UGT3A1: variants seen among roughly 807,000 people sequenced by gnomAD.
UGT3A1 encodes the protein UDP glycosyltransferase family 3 member A1.
A neutral mutation model predicts 37.6 loss-of-function variants in UGT3A1; 40 were observed. The observed-to-expected ratio is 1.06, with a 90% CI of 0.83 to 1.38. The LOEUF is 1.38. Among genes scored for constraint, UGT3A1 ranks in the 40% most tolerant of loss-of-function variants. The pLI is 0.00. For synonymous variants in UGT3A1, 256 were observed against 232.3 expected (o/e 1.10, Z -0.93); for missense variants, 642 against 634.2 (o/e 1.01, Z -0.13).
rs1443651783 is a variant in UGT3A1 at position 35,951,303 on chromosome 5, T to G, written c.*2899A>C. On this transcript the variant is annotated 3_prime_UTR_variant, in exon 7 of 7. Transcript: ENST00000274278. ...TCAAACACCACCCTCATAGATAATC[T>G]ATCACACTCTGGTTTATTCCCTCTG... The G allele has an allele frequency of 6.6e-6, 1 of 152,170 alleles. No individual in the cohort carries two copies. The highest frequency in any genetic ancestry group is 1.5e-5 in the Non-Finnish European group (1 of 68,026). 9.4% of individuals were successfully genotyped at this position (152,170 alleles called of 1,614,324 possible).
At chr5:35,970,348 C>T (rs556523705) in intron 2 of UGT3A1, among the ~76,000 whole-genome samples, 34 of 151,142 alleles carry the variant, frequency 2.2e-4, no homozygotes, top group Admixed American at 6.0e-4. Context: ...GCTGAGATAG[C>T]GCCACTGCAC....
At chr5:35,962,907 A>G (rs1303188195) in intron 4 of UGT3A1, 1 of 702,980 alleles carries the variant, frequency 1.4e-6, no homozygotes, top group Non-Finnish European at 2.6e-6. Context: ...GATACACTCC[A>G]GAGGAGAATA....
At chr5:35,992,996 T>C (rs1362423327), upstream of UGT3A1, among the ~76,000 whole-genome samples, 2 of 152,162 alleles carry the variant, frequency 1.3e-5, no homozygotes, top group Admixed American at 1.3e-4. Context: ...TAGTGAGCTC[T>C]TAAAATTTCA....
At chr5:35,960,716 T>C (rs1051331334) in intron 4 of UGT3A1, 6 of 152,262 alleles carry the variant, frequency 3.9e-5, no homozygotes, top group Non-Finnish European at 8.8e-5. Flanking sequence ...CAGGTTCTTG[T>C]CTGGCATCCA....
intron 2 of UGT3A1, among the ~76,000 whole-genome samples, chr5:35,970,042 G>A (rs561275529): frequency 1.1e-4 from 17 of 152,212 alleles, no homozygotes; most frequent in African/African-American, 3.1e-4. Context: ...TCTTACATAG[G>A]TGGCAGCAGG....
intron 4 of UGT3A1, among the ~76,000 whole-genome samples, chr5:35,958,691 C>T (rs1389593208): frequency 6.6e-6 from 1 of 152,222 alleles, no homozygotes; most frequent in African/African-American, 2.4e-5. Context: ...AAGAAAAAGC[C>T]ACTTTCAAAC....
chr5:35,974,905 C>A (rs150751397), intron 2 of UGT3A1, among the ~76,000 whole-genome samples: 4 of 152,284 alleles, frequency 2.6e-5, no homozygotes, highest in African/African-American at 7.2e-5. Flanking sequence ...TTGTCCGTTG[C>A]GTTGCCTATG....
At chr5:35,974,621 C>T (rs1052074000) in intron 2 of UGT3A1, among the ~76,000 whole-genome samples, 2 of 152,178 alleles carry the variant, frequency 1.3e-5, no homozygotes, top group African/African-American at 4.8e-5. Context: ...CATAACCACA[C>T]AGGAAACTCT....
chr5:35,998,816 T>C (rs975728352), intron 1 of UGT3A1, among the ~76,000 whole-genome samples: 1 of 152,168 alleles, frequency 6.6e-6, no homozygotes, highest in African/African-American at 2.4e-5. Context: ...CCTAACTGAC[T>C]TGAGCTTGTC....
intron 2 of UGT3A1, among the ~76,000 whole-genome samples, chr5:35,983,581 A>G (rs2149986227): frequency 6.6e-6 from 1 of 152,248 alleles, no homozygotes; most frequent in African/African-American, 2.4e-5. Flanking sequence ...AAATCAGACA[A>G]GGGCATAATA....
intron 4 of UGT3A1, chr5:35,962,674 C>A (rs367879170): frequency 3.6e-6 from 2 of 561,506 alleles, no homozygotes; most frequent in Non-Finnish European, 6.4e-6. Flanking sequence ...TTCGTCCTCA[C>A]GCCTACAGAA....
Position 35,991,288 on chromosome 5 carries a change from G to A in UGT3A1, c.-48C>T. On this transcript the variant is annotated 5_prime_UTR_variant, in exon 1 of 7. Coordinates refer to ENST00000274278, the MANE Select transcript of UGT3A1 (RefSeq NM_152404.4). ...GATCTCAGCCTGGGCTGCGCGCCCT[G>A]CGCCGGGCTAAGGACTCTGTGCGCG... The A allele has an allele frequency of 1.2e-6, 2 of 1,612,152 alleles. No individual in the cohort carries two copies. Among genetic ancestry groups the A allele is most frequent in the Non-Finnish European group, 1.7e-6 (2 of 1,178,898 alleles).
In UGT3A1 at chr5:35,955,882, G is replaced by A. The variant is rs1739336536; in HGVS notation, c.1076-18C>T. 1.2e-6 allele frequency: 2 copies of A among 1,612,968 alleles called. No homozygotes were observed. Among genetic ancestry groups the A allele is most frequent in the Non-Finnish European group, 1.7e-6 (2 of 1,178,992 alleles). On this transcript the variant is annotated intron_variant, in intron 5 of 6. Transcript: ENST00000274278. ...GGGGTGAGCTGTGGCAAATAAGAAA[G>A]AGAGTGGAACACTTCAGGATGAAAA...
At chr5:35,994,514 A>C (rs545187669), upstream of UGT3A1, among the ~76,000 whole-genome samples, 6 of 152,228 alleles carry the variant, frequency 3.9e-5, no homozygotes, top group East Asian at 1.2e-3. Context: ...TGAGAATCAC[A>C]TGAGGGTGAT....
intron 1 of UGT3A1, among the ~76,000 whole-genome samples, chr5:35,998,788 A>G (rs1741152453): frequency 6.6e-6 from 1 of 152,194 alleles, no homozygotes; most frequent in Non-Finnish European, 1.5e-5. Context: ...GCTCAAGTGG[A>G]GTTGCCAAAT....
chr5:35,959,443 A>C (rs1403143540), intron 4 of UGT3A1, among the ~76,000 whole-genome samples: 1 of 152,216 alleles, frequency 6.6e-6, no homozygotes, highest in East Asian at 1.9e-4. Context: ...AAACATGGGA[A>C]AAAAACTAAA....
Position 35,955,878 on chromosome 5 carries a change from G to C in UGT3A1, c.1076-14C>G, listed in dbSNP as rs1175776458. 6.2e-7 allele frequency: 1 copy of C among 1,612,828 alleles called. No individual in the cohort carries two copies. The highest frequency in any genetic ancestry group is 8.5e-7 in the Non-Finnish European group (1 of 1,178,994). On this transcript the variant is annotated splice_polypyrimidine_tract_variant and intron_variant, in intron 5 of 6. Transcript: ENST00000274278. ...TGCTGGGGTGAGCTGTGGCAAATAAGAAAGAGAGTGGAACACTTCAGGATG... is the reference window on the plus strand; with the variant it reads ...TGCTGGGGTGAGCTGTGGCAAATAACAAAGAGAGTGGAACACTTCAGGATG...
intron 2 of UGT3A1, among the ~76,000 whole-genome samples, chr5:35,978,287 A>G (rs1202963166): frequency 5.3e-5 from 8 of 152,288 alleles, no homozygotes; most frequent in Non-Finnish European, 2.9e-5. Context: ...CACCTGCCTC[A>G]GCCTCTCAAA....
intron 1 of UGT3A1, 123 bp downstream of exon 1, chr5:35,991,024 A>T (rs1449686854): frequency 6.2e-7 from 1 of 1,602,236 alleles, no homozygotes; most frequent in East Asian, 2.2e-5. Context: ...TCCTCCAGCC[A>T]GGTCCGCAAG....
Sources: allele counts gnomAD v4.1 joint callset (sites outside exome capture counted in the v4.1 genomes callset), GRCh38; gene constraint gnomAD v4.1.1; transcripts MANE v1.5; gene names NCBI Gene and HGNC (gene_info 2026-07-23, HGNC 2026-07-21).